Variants in DNAH12 observed in about 807,000 individuals in gnomAD.
The protein encoded by DNAH12 is axonemal beta dynein heavy chain 12.
A neutral mutation model predicts 371.5 loss-of-function variants in DNAH12; 285 were observed. The observed-to-expected ratio is 0.77, with a 90% CI of 0.70 to 0.85. The LOEUF (loss-of-function observed/expected upper bound fraction) is 0.85, where lower values mean the gene tolerates loss of function less well. DNAH12 is among the 40% of genes least tolerant of loss of function. DNAH12 has a pLI of 0.00. For missense variants in DNAH12, 3,611 were observed against 3,689.4 expected, an observed-to-expected ratio of 0.98 and a Z score of 0.55; for synonymous variants, 1,200 against 1,213.0, an observed-to-expected ratio of 0.99 and a Z score of 0.22.
intron 66 of DNAH12, among the ~76,000 whole-genome samples, chr3:57,313,789 A>C (rs2061629700): frequency 6.6e-6 from 1 of 152,206 alleles, no homozygotes; most frequent in African/African-American, 2.4e-5. Context: ...CCTGGGCAAC[A>C]CAGCGAGACC....
At position 57,499,630 on chromosome 3, in the gene DNAH12, CAAAA is replaced by C. The variant is rs1220632097; in HGVS notation, c.1335+1687_1335+1690del. On this transcript the variant is annotated intron_variant, in intron 11 of 73. Coordinates refer to ENST00000495027, the MANE Select transcript of DNAH12 (RefSeq NM_001366028.2). ...GAAACATAAGGAGACACCATCTCTA[CAAAA>C]AAAAAAAAAAAAAATATATATATAT... is the stretch of plus-strand genomic sequence containing the variant. Among the ~76,000 whole-genome samples the C allele has an allele frequency of 1.1e-3, 16 of 14,888 alleles. 1 individual carries two copies. Among genetic ancestry groups the C allele is most frequent in the African/African-American group, 4.7e-3 (14 of 2,950 alleles). The allele number at this position is 14,888 out of a possible 152,430, so 9.8% of individuals were successfully genotyped here.
chr3:57,327,733 G>T (rs1388537808), intron 62 of DNAH12, among the ~76,000 whole-genome samples: 1 of 151,606 alleles, frequency 6.6e-6, no homozygotes, highest in South Asian at 2.1e-4. Flanking sequence ...AGGAAATAGA[G>T]ACACAAAAAA....
At chr3:57,369,869 A>C (rs1400402330) in intron 55 of DNAH12, among the ~76,000 whole-genome samples, 1 of 152,186 alleles carries the variant, frequency 6.6e-6, no homozygotes, top group Non-Finnish European at 1.5e-5. Flanking sequence ...TGCCTAAATA[A>C]ATGTTCTTGG....
upstream of DNAH12, among the ~76,000 whole-genome samples, chr3:57,547,991 A>G (rs370250729): frequency 2.0e-4 from 30 of 152,366 alleles, no homozygotes; most frequent in South Asian, 4.1e-3. Context: ...AAGATCATTT[A>G]GAAAAAACAT....
At chr3:57,528,105 C>G (rs539767120) in intron 2 of DNAH12, among the ~76,000 whole-genome samples, 1 of 151,870 alleles carries the variant, frequency 6.6e-6, no homozygotes, top group Admixed American at 6.6e-5. Flanking sequence ...CTCGGCTCAC[C>G]GCAACCTCCG....
chr3:57,423,883 C>T lies in DNAH12; in HGVS notation c.5373+1139G>A, dbSNP rs146300998. ...CCTCCTGAGTAACTGGGACTACAGGCGCCTGCCACCACGCCTGGCTAATTT... is the reference window on the plus strand; with the variant it reads ...CCTCCTGAGTAACTGGGACTACAGGTGCCTGCCACCACGCCTGGCTAATTT... On this transcript the variant is annotated intron_variant, in intron 35 of 73. Transcript: ENST00000495027. 1.9e-3 allele frequency among the ~76,000 whole-genome samples: 295 copies of T among 151,948 alleles called. 8 individuals are homozygous for T. In the East Asian group the frequency reaches 0.056, roughly 29 times the overall value.
chr3:57,429,558 T>C (rs2064891215), intron 33 of DNAH12, 133 bp downstream of exon 33: 3 of 776,754 alleles, frequency 3.9e-6, no homozygotes, highest in Non-Finnish European at 6.2e-6. Context: ...TAAACAAGCA[T>C]ACACTGTGTC....
chr3:57,365,386 C>T (rs2063027801), intron 57 of DNAH12, among the ~76,000 whole-genome samples: 1 of 152,172 alleles, frequency 6.6e-6, no homozygotes, highest in Admixed American at 6.5e-5. Context: ...CATGTTCTCA[C>T]TTATAAGTGG....
rs560358137 is a variant in DNAH12, at chr3:57,513,646, A to C, written c.280-2667T>G. 2.4e-4 allele frequency among the ~76,000 whole-genome samples: 37 copies of C among 152,334 alleles called. 1 individual carries two copies. In the South Asian group the frequency reaches 6.4e-3, roughly 26 times the overall value. ...ACAGAAAAATGGGCAGAAGATATAAACTAACATTTCACAATAAAAATATAA... is the reference window on the plus strand; with the variant it reads ...ACAGAAAAATGGGCAGAAGATATAACCTAACATTTCACAATAAAAATATAA... On this transcript the variant is annotated intron_variant, in intron 4 of 73. Transcript: ENST00000495027.
chr3:57,390,972 C>T (rs929080788), intron 45 of DNAH12, among the ~76,000 whole-genome samples: 20 of 152,216 alleles, frequency 1.3e-4, no homozygotes, highest in Non-Finnish European at 2.8e-4. Context: ...AACTCAACTG[C>T]TGCTGCCCTT....
intron 60 of DNAH12, among the ~76,000 whole-genome samples, chr3:57,335,507 A>G (rs1367957408): frequency 6.6e-6 from 1 of 152,252 alleles, no homozygotes; most frequent in Non-Finnish European, 1.5e-5. Context: ...TGTGAACATC[A>G]TAACGTGTAC....
intron 39 of DNAH12, among the ~76,000 whole-genome samples, chr3:57,412,641 C>T (rs2064242284): frequency 6.6e-6 from 1 of 152,158 alleles, no homozygotes; most frequent in Non-Finnish European, 1.5e-5. Flanking sequence ...CCCTAACAGA[C>T]ACCTCACCAA....
chr3:57,494,133 T>A (rs1441095978), intron 11 of DNAH12, among the ~76,000 whole-genome samples: 1 of 152,114 alleles, frequency 6.6e-6, no homozygotes, highest in Non-Finnish European at 1.5e-5. Context: ...CTTGAGAGGC[T>A]GAGGTGGGAA....
At chr3:57,401,028 T>A (rs1199136587) in intron 43 of DNAH12, among the ~76,000 whole-genome samples, 3 of 152,136 alleles carry the variant, frequency 2.0e-5, no homozygotes, top group Admixed American at 1.3e-4. Context: ...CTGATCACAA[T>A]GGTACAAAAC....
At chr3:57,331,405 G>A (rs1466366638) in intron 62 of DNAH12, among the ~76,000 whole-genome samples, 1 of 152,070 alleles carries the variant, frequency 6.6e-6, no homozygotes, top group East Asian at 1.9e-4. Flanking sequence ...GGGTTCCAGG[G>A]ACTTAAAGTG....
intron 65 of DNAH12, among the ~76,000 whole-genome samples, chr3:57,318,953 C>T (rs2061744898): frequency 6.6e-6 from 1 of 152,032 alleles, no homozygotes; most frequent in South Asian, 2.1e-4. Context: ...CTGTAGATCA[C>T]TTTGGTTAGT....
At chr3:57,458,323 G>A (rs2065960137) in intron 20 of DNAH12, 103 bp from the exon 21 acceptor site, 3 of 1,293,994 alleles carry the variant, frequency 2.3e-6, no homozygotes, top group Non-Finnish European at 3.0e-6. Flanking sequence ...ATGTTAAAAG[G>A]TTTATGAAAA....
intron 29 of DNAH12, among the ~76,000 whole-genome samples, chr3:57,438,261 A>G (rs2065191857): frequency 6.6e-6 from 1 of 152,204 alleles, no homozygotes; most frequent in South Asian, 2.1e-4. Context: ...CAGTGAGCCA[A>G]GATTGCACCA....
chr3:57,306,534 C>G (rs1211893279), intron 69 of DNAH12, among the ~76,000 whole-genome samples: 3 of 152,118 alleles, frequency 2.0e-5, no homozygotes, highest in Non-Finnish European at 4.4e-5. Flanking sequence ...AGTTCAAAGC[C>G]TGCTTCACAT....
Sources: gnomAD v4.1 joint callset for allele counts (sites outside exome capture counted in the v4.1 genomes callset) on GRCh38, gnomAD v4.1.1 for gene constraint, MANE v1.5 for transcripts, NCBI Gene and HGNC (gene_info 2026-07-23, HGNC 2026-07-21) for gene names.